The following RFX3 variants were observed in gnomAD, a reference collection of about 807,000 sequenced individuals.
RFX3 encodes transcription factor RFX3.
Under a neutral mutation model 98.6 loss-of-function variants are expected in RFX3, and 14 were observed. The ratio of observed to expected loss-of-function variants is 0.14; its 90% CI spans 0.09 to 0.22. The LOEUF (loss-of-function observed/expected upper bound fraction) is 0.22. RFX3 is among the 10% of genes least tolerant of loss of function. RFX3 has a pLI of 1.00. For missense variants in RFX3, 639 were observed against 926.9 expected, an observed-to-expected ratio of 0.69 and a Z score of 4.03; for synonymous variants, 383 against 328.4, an observed-to-expected ratio of 1.17 and a Z score of -1.80.
chr9:3,273,033 C>T (rs1445792320), intron 9 of RFX3, among the ~76,000 whole-genome samples: 1 of 152,110 alleles, frequency 6.6e-6, no homozygotes, highest in East Asian at 1.9e-4. Flanking sequence ...TTCATATCAG[C>T]TTCATTTGAG....
chr9:3,462,769 G>C (rs1847812637), intron 1 of RFX3, among the ~76,000 whole-genome samples: 1 of 152,008 alleles, frequency 6.6e-6, no homozygotes, highest in South Asian at 2.1e-4. Flanking sequence ...TTAAATACTA[G>C]CATTGCTAAT....
intron 2 of RFX3, 137 bp from the exon 3 acceptor site, chr9:3,346,901 T>G: frequency 1.6e-6 from 1 of 637,290 alleles, no homozygotes; most frequent in South Asian, 1.9e-5. Context: ...ATTAGATTCA[T>G]GTCATAGTTT....
intron 1 of RFX3, among the ~76,000 whole-genome samples, chr9:3,445,502 G>A (rs1012824959): frequency 4.6e-5 from 7 of 152,098 alleles, no homozygotes; most frequent in Admixed American, 1.3e-4. Context: ...AAGCCCATCT[G>A]GCTTCATAAT....
chr9:3,511,991 G>C (rs912687406), intron 1 of RFX3, among the ~76,000 whole-genome samples: 1 of 152,042 alleles, frequency 6.6e-6, no homozygotes, highest in African/African-American at 2.4e-5. Flanking sequence ...AAATGCTTAA[G>C]GTGACAGACA....
chr9:3,506,038 T>G (rs1027500762), intron 1 of RFX3, among the ~76,000 whole-genome samples: 1 of 151,804 alleles, frequency 6.6e-6, no homozygotes, highest in East Asian at 1.9e-4. Context: ...GAAATGAGCA[T>G]GTATATTAAA....
At chr9:3,397,957 G>C (rs1292080451) in intron 1 of RFX3, among the ~76,000 whole-genome samples, 1 of 152,122 alleles carries the variant, frequency 6.6e-6, no homozygotes, top group African/African-American at 2.4e-5. Context: ...AAAATAAATG[G>C]AAAGTGATCA....
chr9:3,375,986 A>C (rs1031590672), intron 2 of RFX3, among the ~76,000 whole-genome samples: 30 of 152,140 alleles, frequency 2.0e-4, no homozygotes, highest in African/African-American at 7.2e-4. Flanking sequence ...TACACAAATT[A>C]GGTACTTACT....
At chr9:3,491,907 C>T (rs1047330617) in intron 1 of RFX3, among the ~76,000 whole-genome samples, 1 of 152,144 alleles carries the variant, frequency 6.6e-6, no homozygotes, top group African/African-American at 2.4e-5. Context: ...ACAGTCTCCC[C>T]ATACTAATAG....
chr9:3,311,207 ATTTC>A (rs974985027), intron 4 of RFX3, among the ~76,000 whole-genome samples: 42 of 152,208 alleles, frequency 2.8e-4, no homozygotes, highest in Non-Finnish European at 2.4e-4. Flanking sequence ...AAAACCAGGA[ATTTC>A]TTTCTGGGTA....
At chr9:3,257,297 T>C (rs1822263491) in intron 13 of RFX3, 98 bp from the exon 14 acceptor site, 1 of 946,048 alleles carries the variant, frequency 1.1e-6, no homozygotes, top group Non-Finnish European at 1.6e-6. Context: ...AAAATTATAA[T>C]AAAAGCTTCA....
chr9:3,330,503 T>A lies in RFX3; in HGVS notation c.230A>T (p.Tyr77Phe). Residue 77 changes from tyrosine (Y) to phenylalanine (F), a missense_variant, in exon 4 of 17, where the codon TAT becomes TTT. Physicochemically the swap from Tyr to Phe is conservative, Grantham distance 22. Coordinates refer to ENST00000617270, the MANE Select transcript of RFX3 (RefSeq NM_001282116.2). ...GTACATCTGTGTCTCTGTGTAAGGA[T>A]ACGTTGTTGTTCGGCTTTAGAAGAA... ...YTNGAIRTTT[Y>F]PYTETQMYSQ... 1.9e-6 allele frequency: 3 copies of A among 1,607,090 alleles called. No homozygotes were observed. The highest frequency in any genetic ancestry group is 1.7e-6 in the Non-Finnish European group (2 of 1,174,170).
chr9:3,459,003 G>T (rs1237914204), intron 1 of RFX3, among the ~76,000 whole-genome samples: 2 of 152,270 alleles, frequency 1.3e-5, no homozygotes, highest in East Asian at 3.9e-4. Context: ...TCACCAAATT[G>T]AAGATCTGTT....
At chr9:3,310,811 T>C (rs1040411196) in intron 4 of RFX3, among the ~76,000 whole-genome samples, 2 of 152,160 alleles carry the variant, frequency 1.3e-5, no homozygotes, top group Non-Finnish European at 2.9e-5. Flanking sequence ...TATACAAATA[T>C]AAAATGAATA....
chr9:3,465,948 C>T (rs1413322905), intron 1 of RFX3, among the ~76,000 whole-genome samples: 1 of 151,902 alleles, frequency 6.6e-6, no homozygotes, highest in Non-Finnish European at 1.5e-5. Context: ...TAGCTGTGAC[C>T]ATATGAACAA....
At chr9:3,491,757 G>A (rs1326178458) in intron 1 of RFX3, among the ~76,000 whole-genome samples, 1 of 152,120 alleles carries the variant, frequency 6.6e-6, no homozygotes, top group African/African-American at 2.4e-5. Flanking sequence ...CCAGTTTACT[G>A]ATGATACAAA....
At chr9:3,322,096 A>G (rs766172243) in intron 4 of RFX3, among the ~76,000 whole-genome samples, 1 of 152,070 alleles carries the variant, frequency 6.6e-6, no homozygotes, top group African/African-American at 2.4e-5. Context: ...TCTTTTTACA[A>G]AATTTTCTAT....
At chr9:3,383,934 C>A (rs886766629) in intron 2 of RFX3, among the ~76,000 whole-genome samples, 1 of 152,052 alleles carries the variant, frequency 6.6e-6, no homozygotes, top group African/African-American at 2.4e-5. Flanking sequence ...AAAAAAGGTA[C>A]AATAATTATT....
At chr9:3,495,746 T>A (rs979540162) in intron 1 of RFX3, among the ~76,000 whole-genome samples, 1 of 152,086 alleles carries the variant, frequency 6.6e-6, no homozygotes, top group Admixed American at 6.5e-5. Context: ...CTTTCATTAA[T>A]CTTAGGCTGG....
chr9:3,359,407 G>C (rs1220538247), intron 2 of RFX3, among the ~76,000 whole-genome samples: 2 of 152,030 alleles, frequency 1.3e-5, no homozygotes, highest in Non-Finnish European at 2.9e-5. Flanking sequence ...TGTTATAATA[G>C]TAAAGGTGGA....
Sources: gnomAD v4.1 joint callset for allele counts (sites outside exome capture counted in the v4.1 genomes callset) on GRCh38, gnomAD v4.1.1 for gene constraint, MANE v1.5 for transcripts, NCBI Gene and HGNC (gene_info 2026-07-23, HGNC 2026-07-21) for gene names.